MYL9: variants seen among roughly 807,000 people sequenced by gnomAD.
The protein encoded by MYL9 is myosin regulatory light polypeptide 9.
A neutral mutation model predicts 12.8 loss-of-function variants in MYL9; 7 were observed. The ratio of observed to expected loss-of-function variants is 0.55; its 90% CI spans 0.31 to 1.03. The LOEUF (loss-of-function observed/expected upper bound fraction) is 1.03. Among genes scored for constraint, MYL9 ranks in the 50% least tolerant of loss-of-function variants. The pLI is 0.05. For missense variants in MYL9, 190 were observed against 242.7 expected (o/e 0.78, Z 1.44); for synonymous variants, 81 against 87.8 (o/e 0.92, Z 0.43).
At chr20:36,546,216 C>T (rs1232555696) in intron 2 of MYL9, among the ~76,000 whole-genome samples, 1 of 152,230 alleles carries the variant, frequency 6.6e-6, no homozygotes, top group African/African-American at 2.4e-5. Flanking sequence ...CGGGCCTGCC[C>T]CAACATCCCT....
intron 1 of MYL9, among the ~76,000 whole-genome samples, chr20:36,541,964 A>T (rs184237814): frequency 4.6e-5 from 7 of 152,130 alleles, no homozygotes; most frequent in African/African-American, 1.7e-4. Context: ...CAGTAAAGGC[A>T]TGTGTGTCAC....
rs1398771835 is a variant in MYL9 at position 36,548,058 on chromosome 20, G to C, written c.211G>C (p.Glu71Gln). The stretch of plus-strand genomic sequence containing the variant: ...GAAGAACCCCACAGACGAATACCTG[G>C]AGGGCATGATGAGCGAGGCCCCGGG... ...LGKNPTDEYLEGMMSEAPGPI... is the reference protein window; with the variant it reads ...LGKNPTDEYLQGMMSEAPGPI... Residue 71 changes from glutamate (E) to glutamine (Q), a missense_variant, in exon 3 of 4, where the codon GAG (glutamate) becomes CAG (glutamine). By Grantham distance (29) the Glu-to-Gln change is conservative. Coordinates refer to ENST00000279022, the MANE Select transcript of MYL9 (RefSeq NM_006097.5). 1 of 1,613,018 alleles carries C rather than the reference G, an allele frequency of 6.2e-7. No homozygotes were observed.
rs991980137 is a variant in MYL9 at position 36,549,576 on chromosome 20, G to A, written c.*327G>A. 8 of 247,778 alleles carry A rather than the reference G, an allele frequency of 3.2e-5. No individual in the cohort carries two copies. The East Asian group carries it at 6.0e-4, about 19-fold the overall frequency. The allele number at this position is 247,778 out of a possible 1,614,324, so 15.3% of individuals were successfully genotyped here. ...TGTTCCCCGAGGAGGAAGGGAAGGG[G>A]CTCTGTGTGCCCCCCAGGAGGAAGA... On this transcript the variant is annotated 3_prime_UTR_variant, in exon 4 of 4. Transcript: ENST00000279022.
intron 1 of MYL9, among the ~76,000 whole-genome samples, chr20:36,541,784 T>C (rs1346904505): frequency 6.6e-6 from 1 of 152,094 alleles, no homozygotes; most frequent in African/African-American, 2.4e-5. Context: ...GCAGGAAGGC[T>C]GTTCTGGCCT....
rs992001512 is a variant in MYL9 at position 36,545,130 on chromosome 20, A to G, written c.184+62A>G. On this transcript the variant is annotated intron_variant, in intron 2 of 3. Transcript: ENST00000279022. ...GCCAGGCAGGCTCTGCCAATCATTT[A>G]CAGGGCACCTCCTGTGTAGTGAGAC... 6 of 1,564,298 alleles carry G rather than the reference A, an allele frequency of 3.8e-6. No homozygotes were observed. The African/African-American group carries it at 5.4e-5, about 14-fold the overall frequency.
At chr20:36,542,308 C>A (rs1360708427) in intron 1 of MYL9, among the ~76,000 whole-genome samples, 1 of 152,182 alleles carries the variant, frequency 6.6e-6, no homozygotes, top group Non-Finnish European at 1.5e-5. Flanking sequence ...GGCATCTGGC[C>A]TGCCCAGCTC....
rs2038077591 is a variant in MYL9 at position 36,545,004 on chromosome 20, G to C, written c.120G>C (p.Met40Ile). 15 of 1,614,116 alleles carry C rather than the reference G, an allele frequency of 9.3e-6. No individual in the cohort carries two copies. Among genetic ancestry groups the C allele is most frequent in the Non-Finnish European group, 1.3e-5 (15 of 1,180,024 alleles). ...QIQEFKEAFN[M>I]IDQNRDGFID... Reference sequence around the variant, plus strand: ...AGGAGTTTAAGGAGGCTTTCAACATGATTGACCAGAACCGTGATGGCTTCA... The same window carrying C: ...AGGAGTTTAAGGAGGCTTTCAACATCATTGACCAGAACCGTGATGGCTTCA... The change falls in exon 2 of 4, where the codon ATG (methionine) becomes ATC (isoleucine). Residue 40 changes from methionine to isoleucine, a missense_variant. Met to Ile is a conservative substitution (Grantham distance 10). Coordinates refer to ENST00000279022, the MANE Select transcript of MYL9 (RefSeq NM_006097.5).
At position 36,547,986 on chromosome 20, in the gene MYL9, G is replaced by C. The variant is rs2038120725; in HGVS notation, c.185-46G>C. 3.9e-6 allele frequency: 6 copies of C among 1,551,332 alleles called. No individual in the cohort carries two copies. The East Asian group carries it at 7.0e-5, about 18-fold the overall frequency. ...GGGGGTGCAAGTTGTCCCAGCTGGG[G>C]ACAGAGGGCCCAGGACCACAGGCTG... On this transcript the variant is annotated intron_variant, in intron 2 of 3. Transcript: ENST00000279022.
chr20:36,543,516 C>T (rs1372494859), intron 1 of MYL9, among the ~76,000 whole-genome samples: 2 of 152,144 alleles, frequency 1.3e-5, no homozygotes, highest in South Asian at 2.1e-4. Flanking sequence ...CTGCCCCAGC[C>T]GAGGGAAGGA....
intron 2 of MYL9, among the ~76,000 whole-genome samples, chr20:36,546,288 G>C (rs1178247206): frequency 6.6e-6 from 1 of 152,180 alleles, no homozygotes; most frequent in African/African-American, 2.4e-5. Context: ...CTCATGCCGA[G>C]TGACAGCATC....
At chr20:36,543,799 G>C (rs1356368096) in intron 1 of MYL9, among the ~76,000 whole-genome samples, 3 of 149,092 alleles carry the variant, frequency 2.0e-5, no homozygotes, top group Non-Finnish European at 4.5e-5. Flanking sequence ...CCCTAGGAGA[G>C]GGGGGCGGTC....
intron 2 of MYL9, 96 bp downstream of exon 2, chr20:36,545,164 T>C (rs1439800611): frequency 7.3e-7 from 1 of 1,376,024 alleles, no homozygotes; most frequent in Non-Finnish European, 1.0e-6. Context: ...ACGCGTGGTG[T>C]CCACCTTAGA....
Position 36,549,198 on chromosome 20 carries a change from C to T in MYL9, c.468C>T (p.Tyr156=), listed in dbSNP as rs1233523772. The T allele has an allele frequency of 3.7e-6, 6 of 1,613,896 alleles. No individual in the cohort carries two copies. Among genetic ancestry groups the T allele is most frequent in the East Asian group, 4.5e-5 (2 of 44,894 alleles). ...TTGATAAGAAAGGCAACTTCAACTA[C>T]GTGGAGTTCACCCGCATCCTCAAAC... ...APIDKKGNFN[Y]VEFTRILKHG... is the part of the protein sequence containing the mutation. Residue 156 remains tyrosine, a synonymous_variant, in exon 4 of 4, where the codon TAC becomes TAT. Transcript: ENST00000279022.
rs1163470982 is a variant in MYL9, at chr20:36,550,038, A to AGG, written c.*792_*793dup. 1 of 152,464 alleles carries AGG rather than the reference A, an allele frequency of 6.6e-6. No homozygotes were observed. Among genetic ancestry groups the AGG allele is most frequent in the Non-Finnish European group, 1.5e-5 (1 of 68,240 alleles). The allele number at this position is 152,464 out of a possible 1,614,324, so 9.4% of individuals were successfully genotyped here. ...TGCTCAGCTGAGACCAGCAGGGGAC[A>AGG]GGGGACGGAGGGAATGGGCCTCATG... is the stretch of plus-strand genomic sequence containing the variant. On this transcript the variant is annotated 3_prime_UTR_variant, in exon 4 of 4. Coordinates refer to ENST00000279022, the MANE Select transcript of MYL9 (RefSeq NM_006097.5).
At chr20:36,544,451 G>C (rs1362031944) in intron 1 of MYL9, among the ~76,000 whole-genome samples, 1 of 152,182 alleles carries the variant, frequency 6.6e-6, no homozygotes, top group Non-Finnish European at 1.5e-5. Context: ...GAAAGAGAGA[G>C]GGACAGTGTA....
In MYL9 at chr20:36,549,949, G is replaced by C. The variant is rs2038150592; in HGVS notation, c.*700G>C. On this transcript the variant is annotated 3_prime_UTR_variant, in exon 4 of 4. Coordinates refer to ENST00000279022, the MANE Select transcript of MYL9 (RefSeq NM_006097.5). ...CCACCCTGGCCCAGGGAAGGACTGG[G>C]TGTCCTCCGGCCATATGGTCCCTGA... The C allele has an allele frequency of 6.6e-6, 1 of 152,522 alleles. No individual in the cohort carries two copies. The highest frequency in any genetic ancestry group is 1.5e-5 in the Non-Finnish European group (1 of 68,324). The allele number at this position is 152,522 out of a possible 1,614,324, so 9.4% of individuals were successfully genotyped here. A position where few individuals can be genotyped will look rare whatever the true frequency, so the allele number is the denominator to read the frequency against.
chr20:36,550,741 TC>T lies in MYL9; in HGVS notation c.*1494del, dbSNP rs1038124202. 5.3e-5 allele frequency: 8 copies of T among 152,156 alleles called. No homozygotes were observed. The highest frequency in any genetic ancestry group is 1.7e-4 in the African/African-American group (7 of 41,450). The allele number at this position is 152,156 out of a possible 1,614,324, so 9.4% of individuals were successfully genotyped here. ...CTCGGCTGAAACTCCTCATCCTGGC[TC>T]CAAACAGAGGCCCAAAAGTCCCTGG... On this transcript the variant is annotated 3_prime_UTR_variant, in exon 4 of 4. Transcript: ENST00000279022.
intron 2 of MYL9, among the ~76,000 whole-genome samples, chr20:36,545,365 C>T (rs530435293): frequency 7.9e-5 from 12 of 151,776 alleles, no homozygotes; most frequent in East Asian, 3.9e-4. Flanking sequence ...AGCGTGGTGG[C>T]GGGCGCCTGT....
intron 1 of MYL9, among the ~76,000 whole-genome samples, chr20:36,541,950 G>GGC (rs1012577302): frequency 6.6e-6 from 1 of 152,050 alleles, no homozygotes; most frequent in Non-Finnish European, 1.5e-5. Flanking sequence ...AGTTCCCCCT[G>GGC]GCCCAGTAAA....
Sources: allele counts gnomAD v4.1 joint callset (sites outside exome capture counted in the v4.1 genomes callset), GRCh38; gene constraint gnomAD v4.1.1; transcripts MANE v1.5; gene names NCBI Gene and HGNC (gene_info 2026-07-23, HGNC 2026-07-21).